Variants in SHB observed in about 807,000 individuals in gnomAD.
SHB encodes the protein SH2 domain containing adaptor protein B, also known as SH2 domain-containing adapter protein B.
A neutral mutation model predicts 52.3 loss-of-function variants in SHB; 20 were observed. That is an observed-to-expected ratio of 0.38 (90% CI 0.27 to 0.56). The LOEUF (loss-of-function observed/expected upper bound fraction) is 0.56. SHB is among the 20% of genes least tolerant of loss of function. The pLI, the probability that SHB is intolerant of heterozygous loss-of-function variation, is 0.71. For missense variants in SHB, 825 were observed against 723.3 expected (o/e 1.14, Z -1.61); for synonymous variants, 397 against 316.5 (o/e 1.25, Z -2.70).
intron 2 of SHB, among the ~76,000 whole-genome samples, chr9:37,980,465 T>C (rs1031208860): frequency 1.3e-5 from 2 of 152,236 alleles, no homozygotes; most frequent in Admixed American, 1.3e-4. Flanking sequence ...CTTCTAATGC[T>C]AGTTCTCTTG....
At chr9:37,946,280 G>T (rs138109383) in intron 5 of SHB, among the ~76,000 whole-genome samples, 1 of 152,330 alleles carries the variant, frequency 6.6e-6, no homozygotes, top group East Asian at 1.9e-4. Context: ...TGTCGTCAAG[G>T]GTGGTCCTAC....
chr9:38,029,577 C>T (rs1271224354), intron 1 of SHB, among the ~76,000 whole-genome samples: 1 of 148,032 alleles, frequency 6.8e-6, no homozygotes, highest in African/African-American at 2.6e-5. Flanking sequence ...CTGCAACCTC[C>T]ATCCCCTGGT....
chr9:37,967,643 C>T (rs1453616673), intron 3 of SHB, among the ~76,000 whole-genome samples: 3 of 152,194 alleles, frequency 2.0e-5, no homozygotes, highest in Non-Finnish European at 2.9e-5. Flanking sequence ...AAAGTGGGGT[C>T]GCCAGATGGC....
intron 1 of SHB, among the ~76,000 whole-genome samples, chr9:38,040,117 C>A (rs12350388): frequency 0.13 from 19,579 of 152,292 alleles, 2,655 homozygotes; most frequent in African/African-American, 0.34. Context: ...CCCATAGCCG[C>A]TATCTGCTGT....
chr9:37,957,920 G>A (rs1221806865), intron 3 of SHB, among the ~76,000 whole-genome samples: 1 of 152,168 alleles, frequency 6.6e-6, no homozygotes, highest in Non-Finnish European at 1.5e-5. Flanking sequence ...CCCTGGGGTG[G>A]GACTGTGCCT....
In SHB at chr9:38,017,362, T is replaced by C. The variant is rs547928465; in HGVS notation, c.718-1231A>G. On this transcript the variant is annotated intron_variant, in intron 1 of 5. Coordinates refer to ENST00000377707, the MANE Select transcript of SHB (RefSeq NM_003028.3). ...TTAATTAGAAACCACAGGAGCCTGT[T>C]CTCTCAGCTCCTGGAATGTAAGGCA... Among the ~76,000 whole-genome samples the C allele has an allele frequency of 6.6e-5, 10 of 152,354 alleles. No homozygotes were observed. The East Asian group carries it at 1.7e-3, about 26-fold the overall frequency.
rs530604152 is a variant in SHB at position 37,944,039 on chromosome 9, GGAGT to G, written c.1346+4592_1346+4595del. ...GCTCAACCCTTTGCTCCCTGAGGCT[GGAGT>G]GAGAGTATCCAGGGGCCAGTGGTGG... On this transcript the variant is annotated intron_variant, in intron 5 of 5. Transcript: ENST00000377707. Among the ~76,000 whole-genome samples the G allele has an allele frequency of 1.4e-3, 218 of 152,356 alleles. 1 individual carries two copies. Among genetic ancestry groups the G allele is most frequent in the African/African-American group, 5.0e-3 (209 of 41,572 alleles).
intron 2 of SHB, among the ~76,000 whole-genome samples, chr9:37,995,856 G>A (rs924613016): frequency 1.3e-5 from 2 of 152,138 alleles, no homozygotes; most frequent in African/African-American, 4.8e-5. Context: ...GTTTGCCAGA[G>A]GGGTTTAAAA....
chr9:37,920,578 C>T (rs1268265351), intron 5 of SHB, among the ~76,000 whole-genome samples: 1 of 152,232 alleles, frequency 6.6e-6, no homozygotes, highest in East Asian at 1.9e-4. Flanking sequence ...GCCTCCCTTG[C>T]AGGCAGTTAG....
At chr9:38,051,782 G>A (rs766071876) in intron 1 of SHB, among the ~76,000 whole-genome samples, 3 of 152,180 alleles carry the variant, frequency 2.0e-5, no homozygotes, top group Admixed American at 6.5e-5. Flanking sequence ...GAGCTCTGCC[G>A]GTCAGAGTGG....
rs1039287086 is a variant in SHB, at chr9:37,958,061, A to G, written c.1055-2007T>C. ...AGCCGTTCTGACTGGGCGCTTCCTT[A>G]CAGGATTGCTGTGCTGAAAAGAGAT... On this transcript the variant is annotated intron_variant, in intron 3 of 5. Coordinates refer to ENST00000377707, the MANE Select transcript of SHB (RefSeq NM_003028.3). Among the ~76,000 whole-genome samples, 3 of 152,186 alleles carry G rather than the reference A, an allele frequency of 2.0e-5. No homozygotes were observed. In the East Asian group the frequency reaches 5.8e-4, roughly 29 times the overall value.
chr9:37,938,323 G>A (rs1046270752), intron 5 of SHB, among the ~76,000 whole-genome samples: 8 of 152,198 alleles, frequency 5.3e-5, no homozygotes, highest in African/African-American at 1.9e-4. Context: ...TCTCCATGCA[G>A]CCACCCTTTC....
chr9:38,068,480 C>T lies in SHB; in HGVS notation c.166G>A (p.Gly56Ser), dbSNP rs1444249029. ...QASSAASASCGPATASCFSAS... is the reference protein window; with the variant it reads ...QASSAASASCSPATASCFSAS... ...GAGAAGCAGGAGGCGGTGGCCGGAC[C>T]GCAGGACGCCGAGGCGGCGGAGGAG... Residue 56 changes from glycine to serine, a missense_variant, in exon 1 of 6, where the codon GGT (glycine) becomes AGT (serine). Physicochemically the swap from Gly to Ser is moderately conservative, Grantham distance 56. Transcript: ENST00000377707. 1.0e-5 allele frequency: 15 copies of T among 1,505,348 alleles called. No homozygotes were observed. The highest frequency in any genetic ancestry group is 1.2e-5 in the South Asian group (1 of 80,912). The allele number at this position is 1,505,348 out of a possible 1,614,324, so 93.2% of individuals were successfully genotyped here.
chr9:37,932,440 G>A (rs1015408604), intron 5 of SHB, among the ~76,000 whole-genome samples: 5 of 151,540 alleles, frequency 3.3e-5, no homozygotes, highest in African/African-American at 1.2e-4. Flanking sequence ...GTACAAAAGA[G>A]CAGACATGCA....
intron 2 of SHB, among the ~76,000 whole-genome samples, chr9:37,988,908 T>C (rs1287738968): frequency 6.6e-6 from 1 of 152,242 alleles, no homozygotes; most frequent in Non-Finnish European, 1.5e-5. Flanking sequence ...AGACTTGAAC[T>C]ACATCATTGA....
chr9:37,958,765 G>A (rs537141793), intron 3 of SHB, among the ~76,000 whole-genome samples: 14 of 152,310 alleles, frequency 9.2e-5, no homozygotes, highest in South Asian at 4.1e-4. Context: ...TCTACCCCTC[G>A]CTGGCCTTCC....
At chr9:38,028,083 G>A (rs1210548002) in intron 1 of SHB, among the ~76,000 whole-genome samples, 1 of 152,134 alleles carries the variant, frequency 6.6e-6, no homozygotes, top group African/African-American at 2.4e-5. Flanking sequence ...AGAATCACAG[G>A]AGTCCCCAGA....
intron 3 of SHB, among the ~76,000 whole-genome samples, chr9:37,971,503 T>C (rs961172345): frequency 1.2e-4 from 18 of 152,122 alleles, no homozygotes; most frequent in East Asian, 3.9e-4. Context: ...CTGGTGCCCA[T>C]AGGACCCCTC....
At chr9:37,989,791 C>A (rs550578725) in intron 2 of SHB, among the ~76,000 whole-genome samples, 24 of 152,212 alleles carry the variant, frequency 1.6e-4, no homozygotes, top group African/African-American at 4.8e-4. Context: ...TTGCTGTTTT[C>A]GCTTTTGTTT....
Sources: gnomAD v4.1 joint callset for allele counts (sites outside exome capture counted in the v4.1 genomes callset) on GRCh38, gnomAD v4.1.1 for gene constraint, MANE v1.5 for transcripts, NCBI Gene and HGNC (gene_info 2026-07-23, HGNC 2026-07-21) for gene names.